TMEM132C: variants seen among roughly 807,000 people sequenced by gnomAD.
TMEM132C encodes the protein transmembrane protein 132C.
A neutral mutation model predicts 61.4 loss-of-function variants in TMEM132C; 29 were observed. The observed-to-expected ratio is 0.47, with a 90% CI of 0.35 to 0.64. The LOEUF (loss-of-function observed/expected upper bound fraction) is 0.64. TMEM132C is among the 30% of genes least tolerant of loss of function. The pLI is 0.00. For synonymous variants in TMEM132C, 656 were observed against 633.1 expected (o/e 1.04, Z -0.54); for missense variants, 1,408 against 1,476.9 (o/e 0.95, Z 0.76).
At chr12:128,693,440 C>G (rs1342745590) in intron 5 of TMEM132C, among the ~76,000 whole-genome samples, 1 of 152,138 alleles carries the variant, frequency 6.6e-6, no homozygotes, top group Non-Finnish European at 1.5e-5. Flanking sequence ...TTTCTGTTTT[C>G]TGTTCCGGGT....
intron 1 of TMEM132C, among the ~76,000 whole-genome samples, chr12:128,379,173 G>T (rs1172217944): frequency 1.3e-5 from 2 of 152,214 alleles, no homozygotes; most frequent in Non-Finnish European, 2.9e-5. Context: ...CCCCTACCAT[G>T]CATGGACCAT....
At chr12:128,645,931 G>A (rs4882810) in intron 4 of TMEM132C, among the ~76,000 whole-genome samples, 1 of 152,126 alleles carries the variant, frequency 6.6e-6, no homozygotes, top group African/African-American at 2.4e-5. Context: ...GAGTCCATCA[G>A]TGCTGGATGT....
At chr12:128,572,953 C>T (rs1164408135) in intron 3 of TMEM132C, among the ~76,000 whole-genome samples, 3 of 152,062 alleles carry the variant, frequency 2.0e-5, no homozygotes, top group Admixed American at 1.3e-4. Context: ...CAGGAAACAA[C>T]AGGTGCTGGA....
intron 4 of TMEM132C, among the ~76,000 whole-genome samples, chr12:128,640,650 C>A (rs781096027): frequency 3.3e-5 from 5 of 152,192 alleles, no homozygotes; most frequent in African/African-American, 1.2e-4. Context: ...AATCCCAACA[C>A]TTTGGGAGGC....
chr12:128,304,072 T>TG (rs1415824774), intron 1 of TMEM132C, among the ~76,000 whole-genome samples: 5 of 152,090 alleles, frequency 3.3e-5, no homozygotes, highest in Non-Finnish European at 7.4e-5. Context: ...CAACCAAGTT[T>TG]GGGGATGATT....
intron 1 of TMEM132C, among the ~76,000 whole-genome samples, chr12:128,401,013 T>C (rs1353662640): frequency 1.3e-5 from 2 of 152,152 alleles, no homozygotes; most frequent in Non-Finnish European, 2.9e-5. Context: ...GGCCTATGTG[T>C]AACTGAACCA....
intron 1 of TMEM132C, among the ~76,000 whole-genome samples, chr12:128,332,409 G>A (rs1193647898): frequency 2.0e-5 from 3 of 152,200 alleles, no homozygotes; most frequent in Admixed American, 2.0e-4. Flanking sequence ...TCTGTCTTCT[G>A]TTTCAAAATT....
intron 4 of TMEM132C, among the ~76,000 whole-genome samples, chr12:128,632,490 A>G (rs1220080840): frequency 1.3e-5 from 2 of 152,230 alleles, no homozygotes; most frequent in East Asian, 3.9e-4. Context: ...CTCCAGATGC[A>G]TACTCCAAAT....
intron 2 of TMEM132C, among the ~76,000 whole-genome samples, chr12:128,538,655 G>A (rs754226346): frequency 6.6e-6 from 1 of 152,096 alleles, no homozygotes; most frequent in Non-Finnish European, 1.5e-5. Flanking sequence ...TTCTCTCCAC[G>A]CACAGAGGCA....
At chr12:128,549,189 G>A (rs557239350) in intron 3 of TMEM132C, among the ~76,000 whole-genome samples, 11 of 152,230 alleles carry the variant, frequency 7.2e-5, no homozygotes, top group Admixed American at 5.9e-4. Context: ...TTGGTCCTGG[G>A]CCCAGGCTGA....
At chr12:128,650,897 G>A (rs573552708) in intron 4 of TMEM132C, among the ~76,000 whole-genome samples, 1 of 152,254 alleles carries the variant, frequency 6.6e-6, no homozygotes, top group South Asian at 2.1e-4. Flanking sequence ...CAACTGGAGT[G>A]GTGTGGGCTC....
At chr12:128,488,293 T>G (rs1289334962) in intron 2 of TMEM132C, among the ~76,000 whole-genome samples, 2 of 152,224 alleles carry the variant, frequency 1.3e-5, no homozygotes, top group Non-Finnish European at 1.5e-5. Flanking sequence ...GTACCCTGTT[T>G]GATTGACTGA....
chr12:128,287,867 A>G (rs1291907995), intron 1 of TMEM132C, among the ~76,000 whole-genome samples: 1 of 152,118 alleles, frequency 6.6e-6, no homozygotes, highest in African/African-American at 2.4e-5. Flanking sequence ...GTGTTTGAAG[A>G]GTACAGGCCA....
chr12:128,370,134 G>A (rs1467268999), intron 1 of TMEM132C, among the ~76,000 whole-genome samples: 1 of 152,102 alleles, frequency 6.6e-6, no homozygotes, highest in Non-Finnish European at 1.5e-5. Context: ...GACTTCCTGG[G>A]GGCCTGAGCT....
At chr12:128,475,570 TA>T (rs553637116) in intron 2 of TMEM132C, among the ~76,000 whole-genome samples, 2,127 of 151,604 alleles carry the variant, frequency 0.014, 49 homozygotes, top group Admixed American at 0.06. Flanking sequence ...TATATCTCAA[TA>T]AAAAAAAATT....
chr12:128,310,941 TG>T (rs1249825200), intron 1 of TMEM132C, among the ~76,000 whole-genome samples: 1 of 152,234 alleles, frequency 6.6e-6, no homozygotes, highest in East Asian at 1.9e-4. Context: ...TCAAGTACAC[TG>T]ATTTGATCTT....
chr12:128,617,461 A>G (rs1362034607), intron 4 of TMEM132C, among the ~76,000 whole-genome samples: 2 of 152,340 alleles, frequency 1.3e-5, no homozygotes, highest in East Asian at 1.9e-4. Context: ...CACTGAAATC[A>G]AAAGGATGTG....
intron 2 of TMEM132C, among the ~76,000 whole-genome samples, chr12:128,528,577 A>G (rs1873174673): frequency 6.6e-6 from 1 of 152,094 alleles, no homozygotes; most frequent in Non-Finnish European, 1.5e-5. Flanking sequence ...CAACCTCAGT[A>G]CTGTCCGTAT....
chr12:128,467,735 C>T (rs145335967), intron 2 of TMEM132C, among the ~76,000 whole-genome samples: 2 of 152,168 alleles, frequency 1.3e-5, no homozygotes, highest in Admixed American at 6.5e-5. Context: ...TAATACTCAG[C>T]TTCCGATCAG....
Sources: allele counts gnomAD v4.1 joint callset (sites outside exome capture counted in the v4.1 genomes callset), GRCh38; gene constraint gnomAD v4.1.1; transcripts MANE v1.5; gene names NCBI Gene and HGNC (gene_info 2026-07-23, HGNC 2026-07-21).